CEP72: variants seen among roughly 807,000 people sequenced by gnomAD.
The protein encoded by CEP72 is centrosomal protein 72.
CEP72 carries 78 observed loss-of-function variants against 65.7 expected under a neutral mutation model. The ratio of observed to expected loss-of-function variants is 1.19; its 90% CI spans 0.99 to 1.43. The LOEUF (loss-of-function observed/expected upper bound fraction) is 1.43, where lower values mean the gene tolerates loss of function less well. CEP72 is among the 40% of genes most tolerant of loss of function. CEP72 has a pLI of 0.00. For synonymous variants in CEP72, 358 were observed against 351.7 expected, an observed-to-expected ratio of 1.02 and a Z score of -0.20; for missense variants, 914 against 832.9, an observed-to-expected ratio of 1.10 and a Z score of -1.20.
intron 9 of CEP72, chr5:643,504 C>T (rs1019407931): frequency 2.9e-5 from 29 of 985,322 alleles, no homozygotes; most frequent in South Asian, 4.7e-5. Context: ...GGGCTGTCGG[C>T]GGGTGGGCTC....
chr5:669,847 G>A (rs1228715623), downstream of CEP72, among the ~76,000 whole-genome samples: 12 of 152,118 alleles, frequency 7.9e-5, no homozygotes, highest in Non-Finnish European at 1.8e-4. Flanking sequence ...GGACAGCGGT[G>A]CCTGCCTCTT....
At chr5:616,795 GGTGTGTGTGT>G (rs762810860) in intron 1 of CEP72, among the ~76,000 whole-genome samples, 3 of 139,040 alleles carry the variant, frequency 2.2e-5, no homozygotes, top group African/African-American at 8.3e-5. Context: ...GTGGACGAGG[GGTGTGTGTGT>G]GTGTGTGTGT....
chr5:644,980 C>A (rs978753669), intron 10 of CEP72, among the ~76,000 whole-genome samples: 2 of 151,760 alleles, frequency 1.3e-5, no homozygotes, highest in Admixed American at 6.6e-5. Flanking sequence ...GTTCAGATAC[C>A]TGGATTTTAA....
At position 640,807 on chromosome 5, in the gene CEP72, G is replaced by A. The variant is rs955227341; in HGVS notation, c.1539+203G>A. ...CACAACAGGCCTGGAGCACTTTGGA[G>A]ACAGCAGTGGCGCTGGCCACCTTCT... On this transcript the variant is annotated intron_variant, in intron 9 of 11. Coordinates refer to ENST00000264935, the MANE Select transcript of CEP72 (RefSeq NM_018140.4). The A allele has an allele frequency of 8.1e-6, 8 of 985,336 alleles. No homozygotes were observed. In the Admixed American group the frequency reaches 1.8e-4, roughly 23 times the overall value. 61.0% of individuals were successfully genotyped at this position (985,336 alleles called of 1,614,324 possible).
chr5:672,256 G>A, the CEP72 span, among the ~76,000 whole-genome samples: 2 of 152,128 alleles, frequency 1.3e-5, no homozygotes, highest in African/African-American at 4.8e-5. Flanking sequence ...CGGGGCAACC[G>A]CAGACCCCAG....
rs1203188658 is a variant in CEP72 at position 623,266 on chromosome 5, G to A, written c.404-1205G>A. ...TGTGAGAGATGCTTCCTGCAGTGGC[G>A]CTGGCAGTCAGAGGCGCTGCGGGAA... On this transcript the variant is annotated intron_variant, in intron 3 of 11. Transcript: ENST00000264935. This position sits in a 1 kb window ranked among gnomAD's most constrained non-coding sequence, Gnocchi z 5.3. Among the ~76,000 whole-genome samples the A allele has an allele frequency of 6.6e-6, 1 of 152,232 alleles. No homozygotes were observed. Among genetic ancestry groups the A allele is most frequent in the African/African-American group, 2.4e-5 (1 of 41,458 alleles).
rs143077618 is a variant in CEP72, at chr5:637,538, C to T, written c.926C>T (p.Ser309Leu). The T allele has an allele frequency of 1.3e-5, 21 of 1,613,676 alleles. No individual in the cohort carries two copies. Among genetic ancestry groups the T allele is most frequent in the Middle Eastern group, 3.3e-4 (2 of 6,082 alleles). ...TCAGACTCCATGGATACCGAGGACT[C>T]GGCCTCTTCTCAGAAGTTGGATTTG... is the stretch of plus-strand genomic sequence containing the variant. ...PHPDSMDTED[S>L]ASSQKLDLSG... Residue 309 changes from serine (S) to leucine (L), a missense_variant, in exon 7 of 12, where the codon TCG (serine) becomes TTG (leucine). Coordinates refer to ENST00000264935, the MANE Select transcript of CEP72 (RefSeq NM_018140.4).
chr5:619,140 A>G, intron 2 of CEP72, 23 bp downstream of exon 2: 1 of 1,602,608 alleles, frequency 6.2e-7, no homozygotes, highest in Non-Finnish European at 8.5e-7. Flanking sequence ...TCTCTTTCTT[A>G]AAATTTATTG....
At chr5:633,436 A>T (rs1321821514) in intron 4 of CEP72, among the ~76,000 whole-genome samples, 8 of 119,948 alleles carry the variant, frequency 6.7e-5, no homozygotes, top group African/African-American at 2.6e-4. Context: ...CGGGATTTAG[A>T]CCAGTCCTGG....
exon 5 of CEP72, chr5:666,969 C>T (rs1245827710): frequency 1.3e-5 from 2 of 152,234 alleles, no homozygotes; most frequent in Non-Finnish European, 2.9e-5. Context: ...CCAGGGAAGC[C>T]TCTGGACAGC....
downstream of CEP72, among the ~76,000 whole-genome samples, chr5:669,464 G>A (rs528114636): frequency 5.9e-5 from 9 of 152,262 alleles, no homozygotes; most frequent in South Asian, 1.7e-3. Context: ...GCCCTGTGGG[G>A]GTGTTGACTC....
chr5:643,626 G>A (rs1024510587), intron 9 of CEP72: 17 of 985,188 alleles, frequency 1.7e-5, no homozygotes, highest in African/African-American at 8.7e-5. Context: ...CAGCACCCCC[G>A]GCCCCAGGAT....
chr5:672,056 C>T (rs575681710), downstream of CEP72, among the ~76,000 whole-genome samples: 2 of 152,376 alleles, frequency 1.3e-5, no homozygotes, highest in East Asian at 3.9e-4. Flanking sequence ...GCCCTCCAAA[C>T]ACACTGTGAC....
Position 637,114 on chromosome 5 carries a change from A to G in CEP72, c.905-403A>G, listed in dbSNP as rs1281714330. ...CACGGGACCCACCACTTTACGGACC[A>G]TCAGAGTCTGTCACTTCACCTGTCT... On this transcript the variant is annotated intron_variant, in intron 6 of 11. Transcript: ENST00000264935. 3.3e-5 allele frequency among the ~76,000 whole-genome samples: 5 copies of G among 152,318 alleles called. No homozygotes were observed. In the South Asian group the frequency reaches 6.2e-4, roughly 19 times the overall value.
At chr5:625,385 G>A (rs1475046521) in intron 4 of CEP72, among the ~76,000 whole-genome samples, 1 of 152,154 alleles carries the variant, frequency 6.6e-6, no homozygotes, top group African/African-American at 2.4e-5. Flanking sequence ...CCTAGTGCAG[G>A]GATCAGTCAG....
At chr5:665,458 C>A in intron 3 of CEP72, 1 of 700,990 alleles carries the variant, frequency 1.4e-6, no homozygotes, top group Non-Finnish European at 2.3e-6. Flanking sequence ...TTTACCTCTC[C>A]TGACCCTGGG....
At chr5:673,464 A>AG in the CEP72 span, among the ~76,000 whole-genome samples, 2 of 151,044 alleles carry the variant, frequency 1.3e-5, no homozygotes, top group Non-Finnish European at 3.0e-5. Flanking sequence ...GTGAATGGGG[A>AG]GGGGGGGAGG....
chr5:632,205 G>A (rs1332109994), intron 4 of CEP72, among the ~76,000 whole-genome samples: 1 of 72,700 alleles, frequency 1.4e-5, no homozygotes, highest in East Asian at 4.7e-4. Flanking sequence ...TCCTGGTGGG[G>A]TTCTGTCCAG....
At chr5:638,689 C>T (rs1429958493) in intron 7 of CEP72, among the ~76,000 whole-genome samples, 2 of 152,122 alleles carry the variant, frequency 1.3e-5, no homozygotes, top group Admixed American at 6.5e-5. Flanking sequence ...CGGGCCATTG[C>T]TGGGGACAGC....
Sources: allele counts gnomAD v4.1 joint callset (sites outside exome capture counted in the v4.1 genomes callset), GRCh38; gene constraint gnomAD v4.1.1; non-coding constraint Gnocchi (gnomAD v3.1); transcripts MANE v1.5; gene names NCBI Gene and HGNC (gene_info 2026-07-23, HGNC 2026-07-21).